The following SMAD2 variants were observed in gnomAD, a reference collection of about 807,000 sequenced individuals.
SMAD2 encodes SMAD family member 2.
A neutral mutation model predicts 64.4 loss-of-function variants in SMAD2; 8 were observed. The observed-to-expected ratio is 0.12, with a 90% CI of 0.07 to 0.22. The LOEUF (loss-of-function observed/expected upper bound fraction) is 0.22, where lower values mean the gene tolerates loss of function less well. SMAD2 is among the 10% of genes least tolerant of loss of function. The pLI is 1.00. For missense variants in SMAD2, 289 were observed against 561.2 expected, an observed-to-expected ratio of 0.51 and a Z score of 4.90; for synonymous variants, 203 against 195.8, an observed-to-expected ratio of 1.04 and a Z score of -0.31.
At chr18:47,883,926 G>A (rs144038591) in intron 2 of SMAD2, among the ~76,000 whole-genome samples, 244 of 152,120 alleles carry the variant, frequency 1.6e-3, no homozygotes, top group African/African-American at 5.5e-3. Context: ...CTTCTGCCTC[G>A]AATCTGGGCA....
At chr18:47,901,487 A>G (rs921831891) in intron 1 of SMAD2, among the ~76,000 whole-genome samples, 6 of 152,138 alleles carry the variant, frequency 3.9e-5, no homozygotes, top group Non-Finnish European at 8.8e-5. Flanking sequence ...TTACTAATTT[A>G]GTTGCCTGCT....
intron 2 of SMAD2, among the ~76,000 whole-genome samples, chr18:47,885,130 TATACACACACACACACACAC>T (rs1346758636): frequency 4.7e-5 from 3 of 64,272 alleles, no homozygotes; most frequent in African/African-American, 1.5e-4. Context: ...GATTTAGTCA[TATACACACACACACACACAC>T]ACACACACAC....
intron 1 of SMAD2, among the ~76,000 whole-genome samples, chr18:47,908,897 G>C (rs2034012114): frequency 6.6e-6 from 1 of 152,090 alleles, no homozygotes; most frequent in African/African-American, 2.4e-5. Flanking sequence ...CTAATACCAT[G>C]AGATCCATAC....
intron 1 of SMAD2, among the ~76,000 whole-genome samples, chr18:47,899,684 A>G (rs1349972370): frequency 1.3e-5 from 2 of 152,198 alleles, no homozygotes; most frequent in African/African-American, 4.8e-5. Context: ...CAACAGAGCT[A>G]TCTGTGCCTG....
intron 1 of SMAD2, among the ~76,000 whole-genome samples, chr18:47,907,877 G>A (rs970698575): frequency 1.3e-5 from 2 of 152,226 alleles, no homozygotes; most frequent in African/African-American, 2.4e-5. Flanking sequence ...AGAGGCTGCA[G>A]TGAGCCGAGA....
chr18:47,849,436 GAAATAGGGTA>G (rs1914866355), intron 7 of SMAD2, among the ~76,000 whole-genome samples: 1 of 151,896 alleles, frequency 6.6e-6, no homozygotes, highest in East Asian at 1.9e-4. Flanking sequence ...GAGAAATTGT[GAAATAGGGTA>G]AAATGAGGGC....
chr18:47,856,519 A>G (rs1232253072), intron 6 of SMAD2, among the ~76,000 whole-genome samples: 2 of 152,224 alleles, frequency 1.3e-5, no homozygotes, highest in Non-Finnish European at 2.9e-5. Context: ...AACCTTCCAG[A>G]AAACTGGGAA....
chr18:47,907,916 C>T (rs771790969), intron 1 of SMAD2, among the ~76,000 whole-genome samples: 19 of 152,140 alleles, frequency 1.2e-4, no homozygotes, highest in Non-Finnish European at 2.4e-4. Flanking sequence ...GCACCCTGGG[C>T]GAGAGAGTGA....
intron 1 of SMAD2, among the ~76,000 whole-genome samples, chr18:47,919,270 C>G (rs1598896447): frequency 6.6e-6 from 1 of 152,044 alleles, no homozygotes; most frequent in East Asian, 1.9e-4. Context: ...TGCAACATCT[C>G]CAAGTATTTA....
chr18:47,862,571 G>A (rs2031267024), intron 6 of SMAD2, among the ~76,000 whole-genome samples: 2 of 152,136 alleles, frequency 1.3e-5, no homozygotes, highest in Non-Finnish European at 1.5e-5. Context: ...TATAGAATTA[G>A]GGCCCATCGT....
rs1443790042 is a variant in SMAD2, at chr18:47,866,357, C to T, written c.656-1224G>A. On this transcript the variant is annotated intron_variant, in intron 5 of 10. Coordinates refer to ENST00000262160, the MANE Select transcript of SMAD2 (RefSeq NM_005901.6). ...AAAAAAAAAAGAGGAAGAGAAGATA[C>T]AGGTTAAGGGTCTCCTTCAATAACC... Among the ~76,000 whole-genome samples, 5 of 132,324 alleles carry T rather than the reference C, an allele frequency of 3.8e-5. No homozygotes were observed. The South Asian group carries it at 1.3e-3, about 33-fold the overall frequency. 86.8% of individuals were successfully genotyped at this position (132,324 alleles called of 152,430 possible).
At chr18:47,915,821 T>A (rs2034310791) in intron 1 of SMAD2, among the ~76,000 whole-genome samples, 1 of 152,180 alleles carries the variant, frequency 6.6e-6, no homozygotes, top group Non-Finnish European at 1.5e-5. Context: ...TCAATCCACC[T>A]TCCCCCGTCA....
At chr18:47,842,781 C>T (rs1424265951) in intron 10 of SMAD2, among the ~76,000 whole-genome samples, 1 of 152,182 alleles carries the variant, frequency 6.6e-6, no homozygotes, top group Non-Finnish European at 1.5e-5. Context: ...AGCCAATGAA[C>T]ATCCCTCTTA....
At chr18:47,880,734 G>A (rs548423787) in intron 2 of SMAD2, among the ~76,000 whole-genome samples, 3 of 152,310 alleles carry the variant, frequency 2.0e-5, no homozygotes, top group Admixed American at 2.0e-4. Flanking sequence ...TCTGATGGTA[G>A]TTAGAGGTTC....
At chr18:47,861,984 A>T (rs2031222597) in intron 6 of SMAD2, among the ~76,000 whole-genome samples, 1 of 152,224 alleles carries the variant, frequency 6.6e-6, no homozygotes, top group Non-Finnish European at 1.5e-5. Flanking sequence ...GGAACATTTC[A>T]AACTCAGATA....
At position 47,817,546 on chromosome 18, in the gene SMAD2, C is replaced by CT. The variant is rs1912413547; in HGVS notation, c.*24280dup. 6.6e-6 allele frequency: 1 copy of CT among 152,624 alleles called. No individual in the cohort carries two copies. Among genetic ancestry groups the CT allele is most frequent in the African/African-American group, 2.4e-5 (1 of 41,468 alleles). 9.5% of individuals were successfully genotyped at this position (152,624 alleles called of 1,614,324 possible). A position where few individuals can be genotyped will look rare whatever the true frequency, so the allele number is the denominator to read the frequency against. On this transcript the variant is annotated 3_prime_UTR_variant, in exon 11 of 11. Coordinates refer to ENST00000262160, the MANE Select transcript of SMAD2 (RefSeq NM_005901.6). ...GAACTCATGGGCTCAAGCGATCCTCCTGCCTTGGCCTCCCAAAGTGCTGGG... is the reference window on the plus strand; with the variant it reads ...GAACTCATGGGCTCAAGCGATCCTCCTTGCCTTGGCCTCCCAAAGTGCTGGG...
Position 47,840,714 on chromosome 18 carries a change from T to C in SMAD2, c.*1113A>G, listed in dbSNP as rs1913858002. On this transcript the variant is annotated 3_prime_UTR_variant, in exon 11 of 11. Transcript: ENST00000262160. ...CCATTTCATAATGCAATCTGGTTACTAAACCAAATCAAACTACTCGAAGAG... is the reference window on the plus strand; with the variant it reads ...CCATTTCATAATGCAATCTGGTTACCAAACCAAATCAAACTACTCGAAGAG... 1.3e-5 allele frequency: 3 copies of C among 231,484 alleles called. No homozygotes were observed. Among genetic ancestry groups the C allele is most frequent in the Non-Finnish European group, 2.6e-5 (3 of 116,938 alleles). 14.3% of individuals were successfully genotyped at this position (231,484 alleles called of 1,614,324 possible).
rs142886105 is a variant in SMAD2, at chr18:47,920,807, G to T, written c.-54+9554C>A. ...TATATAAACGAAGTTATTTGTTGTA[G>T]CATTGTTTTTAATACCACAAGACTG... is the stretch of plus-strand genomic sequence containing the variant. On this transcript the variant is annotated intron_variant, in intron 1 of 10. Coordinates refer to ENST00000262160, the MANE Select transcript of SMAD2 (RefSeq NM_005901.6). Among the ~76,000 whole-genome samples, 1,044 of 152,308 alleles carry T rather than the reference G, an allele frequency of 6.9e-3. 31 individuals carry two copies. In the East Asian group the frequency reaches 0.089, roughly 13 times the overall value.
At chr18:47,930,699 G>A (rs945697248), upstream of SMAD2, 1 of 148,638 alleles carries the variant, frequency 6.7e-6, no homozygotes, top group Non-Finnish European at 1.5e-5. Context: ...CGCGCCCGCA[G>A]CCCTACCGGC....
Sources: allele counts gnomAD v4.1 joint callset (sites outside exome capture counted in the v4.1 genomes callset), GRCh38; gene constraint gnomAD v4.1.1; transcripts MANE v1.5; gene names NCBI Gene and HGNC (gene_info 2026-07-23, HGNC 2026-07-21).